The following CDH18 variants were observed in gnomAD, a reference collection of about 807,000 sequenced individuals.
CDH18 encodes cadherin 18.
Under a neutral mutation model 67.9 loss-of-function variants are expected in CDH18, and 31 were observed. The observed-to-expected ratio is 0.46, with a 90% CI of 0.34 to 0.62. The LOEUF (loss-of-function observed/expected upper bound fraction) is 0.62. Ranked by LOEUF, CDH18 falls within the 20% of genes least tolerant of loss-of-function variation. The pLI, the probability that CDH18 is intolerant of heterozygous loss-of-function variation, is 0.01. For synonymous variants in CDH18, 362 were observed against 347.2 expected, an observed-to-expected ratio of 1.04 and a Z score of -0.48; for missense variants, 890 against 975.5, an observed-to-expected ratio of 0.91 and a Z score of 1.17.
intron 1 of CDH18, among the ~76,000 whole-genome samples, chr5:20,504,141 C>T (rs931696435): frequency 1.4e-4 from 21 of 151,890 alleles, no homozygotes; most frequent in Admixed American, 3.9e-4. Context: ...CACAGCAGAA[C>T]TATTGGATAT....
chr5:19,519,522 T>C (rs946095616), intron 10 of CDH18, among the ~76,000 whole-genome samples: 3 of 152,162 alleles, frequency 2.0e-5, no homozygotes, highest in Non-Finnish European at 4.4e-5. Context: ...CCACAGCAGA[T>C]AGATTTTAAG....
chr5:20,508,418 C>A (rs1437800726), intron 1 of CDH18, among the ~76,000 whole-genome samples: 2 of 142,414 alleles, frequency 1.4e-5, no homozygotes, highest in Non-Finnish European at 3.0e-5. Flanking sequence ...TATATTATAT[C>A]CTTTGAGAAG....
chr5:20,253,195 A>C (rs777060729), intron 2 of CDH18, among the ~76,000 whole-genome samples: 2 of 152,176 alleles, frequency 1.3e-5, no homozygotes, highest in Non-Finnish European at 2.9e-5. Context: ...ACAAGAATTC[A>C]CTGGCACATA....
intron 2 of CDH18, among the ~76,000 whole-genome samples, chr5:19,938,951 T>C (rs1021665951): frequency 1.3e-5 from 2 of 151,294 alleles, no homozygotes; most frequent in African/African-American, 4.8e-5. Context: ...TTAATGTACT[T>C]AAATACATTT....
intron 2 of CDH18, among the ~76,000 whole-genome samples, chr5:19,970,010 C>A (rs2892429): frequency 0.91 from 138,472 of 151,942 alleles, 63,317 homozygotes; most frequent in South Asian, 0.98. Flanking sequence ...ATAAAAGACC[C>A]GATTAGAGGT....
At chr5:20,081,643 A>G (rs1744484522) in intron 2 of CDH18, among the ~76,000 whole-genome samples, 1 of 152,216 alleles carries the variant, frequency 6.6e-6, no homozygotes, top group Admixed American at 6.6e-5. Context: ...GTCTTTTGCA[A>G]AAACATTGAT....
rs567563079 is a variant in CDH18 at position 20,336,150 on chromosome 5, A to G, written c.-579-80645T>C. On this transcript the variant is annotated intron_variant, in intron 1 of 14. Coordinates refer to the CDH18 transcript ENST00000507958. ...CCCACTTGGACAAGTCCTTCTTCCA[A>G]GGCCCACTAGACTGCCCTCTGGTGG... 3.3e-5 allele frequency among the ~76,000 whole-genome samples: 5 copies of G among 152,234 alleles called. No homozygotes were observed. In the South Asian group the frequency reaches 1.0e-3, roughly 32 times the overall value.
chr5:19,809,528 TAA>T (rs33971166), intron 3 of CDH18, among the ~76,000 whole-genome samples: 10 of 151,554 alleles, frequency 6.6e-5, no homozygotes, highest in South Asian at 4.2e-4. Flanking sequence ...TAAAGTATAA[TAA>T]AAAAAAATTA....
At chr5:19,741,375 A>T (rs1769195493) in intron 4 of CDH18, among the ~76,000 whole-genome samples, 1 of 150,464 alleles carries the variant, frequency 6.6e-6, no homozygotes, top group South Asian at 2.1e-4. Context: ...TATGACAGCC[A>T]GTACCTTACT....
At chr5:19,644,146 A>G (rs1157094484) in intron 5 of CDH18, among the ~76,000 whole-genome samples, 1 of 152,110 alleles carries the variant, frequency 6.6e-6, no homozygotes, top group African/African-American at 2.4e-5. Context: ...CAAACCACTT[A>G]CTTAGAACCC....
intron 1 of CDH18, among the ~76,000 whole-genome samples, chr5:20,508,266 T>C (rs1173000358): frequency 3.4e-5 from 5 of 148,868 alleles, no homozygotes; most frequent in African/African-American, 7.3e-5. Context: ...TGTTTTTATA[T>C]ATAAGGTCCT....
chr5:19,896,017 GA>G (rs58279995), intron 2 of CDH18, among the ~76,000 whole-genome samples: 24 of 151,102 alleles, frequency 1.6e-4, no homozygotes, highest in African/African-American at 5.6e-4. Flanking sequence ...ATTATTTGGG[GA>G]AAAAAAAATG....
rs978081439 is a variant in CDH18 at position 19,914,886 on chromosome 5, A to G, written c.-257+66174T>C. Among the ~76,000 whole-genome samples the G allele has an allele frequency of 6.8e-4, 104 of 152,132 alleles. 1 individual carries two copies. Among genetic ancestry groups the G allele is most frequent in the Admixed American group, 2.6e-4 (4 of 15,252 alleles). ...TCCCCCAAATTTGTAATATGATAAT[A>G]GAAGGAACTTAACAATTTTTTTGTG... On this transcript the variant is annotated intron_variant, in intron 2 of 12. Coordinates refer to ENST00000382275, the MANE Select transcript of CDH18 (RefSeq NM_004934.5).
chr5:19,530,413 T>A (rs1748407913), intron 9 of CDH18, among the ~76,000 whole-genome samples: 1 of 152,202 alleles, frequency 6.6e-6, no homozygotes. Flanking sequence ...AAAAAGCCAA[T>A]AAATTGTAAT....
intron 1 of CDH18, among the ~76,000 whole-genome samples, chr5:20,443,539 G>A (rs1338980404): frequency 2.0e-5 from 3 of 151,694 alleles, no homozygotes; most frequent in Admixed American, 6.6e-5. Context: ...AATAGTGAAC[G>A]CCAGATACCT....
intron 1 of CDH18, among the ~76,000 whole-genome samples, chr5:20,319,092 G>A (rs1017179078): frequency 3.3e-5 from 5 of 152,040 alleles, no homozygotes; most frequent in African/African-American, 1.2e-4. Flanking sequence ...ACTTCCTCAC[G>A]ATCCTGCTAT....
chr5:20,223,365 T>C (rs796551887), intron 2 of CDH18, among the ~76,000 whole-genome samples: 2 of 152,224 alleles, frequency 1.3e-5, no homozygotes, highest in South Asian at 2.1e-4. Context: ...CCAATGCCTG[T>C]GCCCTCATTG....
At position 20,242,143 on chromosome 5, in the gene CDH18, T is replaced by A. The variant is rs796180908; in HGVS notation, c.-518+13301A>T. Among the ~76,000 whole-genome samples the A allele has an allele frequency of 5.9e-5, 9 of 151,928 alleles. No individual in the cohort carries two copies. The South Asian group carries it at 6.2e-4, about 11-fold the overall frequency. ...CTTTACAATGGAAATAAAAGTTTTT[T>A]AAATTTTATTCTTTTCTGAATATCA... On this transcript the variant is annotated intron_variant, in intron 2 of 14. Transcript: ENST00000507958.
intron 2 of CDH18, among the ~76,000 whole-genome samples, chr5:19,945,786 A>G (rs2150246323): frequency 6.6e-6 from 1 of 152,260 alleles, no homozygotes; most frequent in East Asian, 1.9e-4. Context: ...AATCAGTGAA[A>G]TTTAGAACCA....
Sources: gnomAD v4.1 joint callset for allele counts (sites outside exome capture counted in the v4.1 genomes callset) on GRCh38, gnomAD v4.1.1 for gene constraint, MANE v1.5 for transcripts, NCBI Gene and HGNC (gene_info 2026-07-23, HGNC 2026-07-21) for gene names.